Variants in CDH2 observed in about 807,000 individuals in gnomAD.
CDH2 encodes cadherin-2.
In CDH2, 17 loss-of-function variants were observed where a neutral mutation model predicts 92.0. That is an observed-to-expected ratio of 0.18 (90% CI 0.13 to 0.28). The LOEUF (loss-of-function observed/expected upper bound fraction) is 0.28, where lower values mean the gene tolerates loss of function less well. Among genes scored for constraint, CDH2 ranks in the 10% least tolerant of loss-of-function variants. The pLI is 1.00. For synonymous variants in CDH2, 419 were observed against 415.9 expected (o/e 1.01, Z -0.09); for missense variants, 862 against 1,133.1 (o/e 0.76, Z 3.44).
intron 2 of CDH2, among the ~76,000 whole-genome samples, chr18:28,071,515 C>A (rs1423532906): frequency 6.6e-6 from 1 of 152,138 alleles, no homozygotes; most frequent in African/African-American, 2.4e-5. Flanking sequence ...TTTGCCTTCC[C>A]AGGACTGCAC....
At chr18:28,062,893 C>T (rs1322885685) in intron 2 of CDH2, among the ~76,000 whole-genome samples, 1 of 152,050 alleles carries the variant, frequency 6.6e-6, no homozygotes, top group African/African-American at 2.4e-5. Context: ...GAATTGCTTG[C>T]ACCTGGGAGG....
intron 1 of CDH2, among the ~76,000 whole-genome samples, chr18:28,166,517 T>C (rs1240652095): frequency 6.6e-6 from 1 of 152,074 alleles, no homozygotes; most frequent in Non-Finnish European, 1.5e-5. Context: ...CCAAATGTTC[T>C]TATCTGTCAA....
chr18:28,079,748 G>A (rs1212002671), intron 2 of CDH2, among the ~76,000 whole-genome samples: 2 of 152,128 alleles, frequency 1.3e-5, no homozygotes, highest in East Asian at 1.9e-4. Flanking sequence ...GCATCATCAC[G>A]GTAATGCCCT....
At chr18:28,066,061 C>G (rs1466854148) in intron 2 of CDH2, among the ~76,000 whole-genome samples, 1 of 152,170 alleles carries the variant, frequency 6.6e-6, no homozygotes, top group Admixed American at 6.5e-5. Context: ...TATTCAAGAG[C>G]TGGCCACATT....
Position 28,062,449 on chromosome 18 carries a change from T to C in CDH2, c.173-48540A>G, listed in dbSNP as rs145978114. Among the ~76,000 whole-genome samples the C allele has an allele frequency of 2.0e-5, 3 of 152,302 alleles. No individual in the cohort carries two copies. In the East Asian group the frequency reaches 5.8e-4, roughly 29 times the overall value. On this transcript the variant is annotated intron_variant, in intron 2 of 15. Transcript: ENST00000269141. ...TTGCCTGTCCTGTCTTCATTATTTT[T>C]ATAGCATACTATAGATGAAAACTGT...
chr18:28,019,752 T>G (rs2144053399), intron 2 of CDH2, among the ~76,000 whole-genome samples: 1 of 152,278 alleles, frequency 6.6e-6, no homozygotes, highest in African/African-American at 2.4e-5. Flanking sequence ...TTCAGAGTTT[T>G]AAAAACAGGT....
At chr18:28,085,542 T>A (rs1409916427) in intron 2 of CDH2, among the ~76,000 whole-genome samples, 1 of 152,126 alleles carries the variant, frequency 6.6e-6, no homozygotes, top group Non-Finnish European at 1.5e-5. Context: ...CACTACCACA[T>A]AGTATCAACA....
At chr18:27,987,295 C>T (rs1056931119) in intron 11 of CDH2, among the ~76,000 whole-genome samples, 3 of 152,126 alleles carry the variant, frequency 2.0e-5, no homozygotes, top group Non-Finnish European at 4.4e-5. Context: ...CTTTGATGTA[C>T]AATGGCAAAA....
At chr18:28,137,144 G>A (rs1445407528) in intron 2 of CDH2, among the ~76,000 whole-genome samples, 1 of 152,068 alleles carries the variant, frequency 6.6e-6, no homozygotes, top group Non-Finnish European at 1.5e-5. Flanking sequence ...ATGTTGAAGG[G>A]CTACTTCCTC....
intron 6 of CDH2, among the ~76,000 whole-genome samples, chr18:27,942,746 T>A (rs1417900377): frequency 6.6e-6 from 1 of 152,176 alleles, no homozygotes; most frequent in African/African-American, 2.4e-5. Context: ...TTTCCAAAAT[T>A]GTTCAGCTTA....
intron 6 of CDH2, among the ~76,000 whole-genome samples, chr18:27,937,293 A>AG (rs1909041253): frequency 6.6e-6 from 1 of 152,222 alleles, no homozygotes; most frequent in Non-Finnish European, 1.5e-5. Context: ...GCGGTTCAAA[A>AG]TCTGGATCGT....
intron 2 of CDH2, among the ~76,000 whole-genome samples, chr18:28,048,971 G>C (rs2014136076): frequency 6.6e-6 from 1 of 152,142 alleles, no homozygotes; most frequent in African/African-American, 2.4e-5. Context: ...TCTATTTGCT[G>C]CACTCCAGCA....
chr18:28,094,323 CA>C (rs1023941531), intron 2 of CDH2, among the ~76,000 whole-genome samples: 1 of 151,372 alleles, frequency 6.6e-6, no homozygotes, highest in Non-Finnish European at 1.5e-5. Flanking sequence ...TCTGTTTCTA[CA>C]AAAAAATACA....
chr18:28,167,478 T>C (rs1362523648), intron 1 of CDH2, among the ~76,000 whole-genome samples: 2 of 152,080 alleles, frequency 1.3e-5, no homozygotes, highest in Non-Finnish European at 2.9e-5. Context: ...TACAAATACA[T>C]ATGATATAAA....
At chr18:28,024,285 G>A (rs2013490493) in intron 2 of CDH2, among the ~76,000 whole-genome samples, 1 of 151,790 alleles carries the variant, frequency 6.6e-6, no homozygotes, top group Non-Finnish European at 1.5e-5. Context: ...TAATTTGAGG[G>A]GTGGATTCTA....
chr18:28,099,886 A>G (rs2015198555), intron 2 of CDH2, among the ~76,000 whole-genome samples: 1 of 152,186 alleles, frequency 6.6e-6, no homozygotes, highest in Non-Finnish European at 1.5e-5. Flanking sequence ...CGATGATCAA[A>G]TATTACTATA....
At chr18:27,938,461 A>G (rs1909069400) in intron 6 of CDH2, among the ~76,000 whole-genome samples, 1 of 152,206 alleles carries the variant, frequency 6.6e-6, no homozygotes, top group Non-Finnish European at 1.5e-5. Flanking sequence ...TATAATAGAT[A>G]ATTCTTATCT....
At chr18:27,991,189 G>T (rs768445993) in intron 9 of CDH2, among the ~76,000 whole-genome samples, 1 of 152,044 alleles carries the variant, frequency 6.6e-6, no homozygotes. Flanking sequence ...GTTCACCTGC[G>T]AATGGATGTG....
chr18:27,950,586 T>C (rs1333371713), downstream of CDH2, among the ~76,000 whole-genome samples: 6 of 152,118 alleles, frequency 3.9e-5, no homozygotes, highest in Non-Finnish European at 7.4e-5. Flanking sequence ...TAACCCACTT[T>C]ACTGAAGTTT....
Sources: allele counts gnomAD v4.1 joint callset (sites outside exome capture counted in the v4.1 genomes callset), GRCh38; gene constraint gnomAD v4.1.1; transcripts MANE v1.5; gene names NCBI Gene and HGNC (gene_info 2026-07-23, HGNC 2026-07-21).